RBBP6: variants seen among roughly 807,000 people sequenced by gnomAD.
The protein encoded by RBBP6 is RB binding protein 6, ubiquitin ligase.
Under a neutral mutation model 167.7 loss-of-function variants are expected in RBBP6, and 25 were observed. The ratio of observed to expected loss-of-function variants is 0.15; its 90% CI spans 0.11 to 0.21. The LOEUF is 0.21. RBBP6 is among the 10% of genes least tolerant of loss of function. The pLI is 1.00. For synonymous variants in RBBP6, 789 were observed against 735.8 expected (o/e 1.07, Z -1.17); for missense variants, 1,868 against 2,134.2 (o/e 0.88, Z 2.46).
rs1555473767 is a variant in RBBP6 at position 24,570,865 on chromosome 16, A to T, written c.3810-11A>T. 1.4e-6 allele frequency: 2 copies of T among 1,434,248 alleles called. No homozygotes were observed. The highest frequency in any genetic ancestry group is 1.8e-6 in the Non-Finnish European group (2 of 1,086,124). The allele number at this position is 1,434,248 out of a possible 1,614,324, so 88.8% of individuals were successfully genotyped here. On this transcript the variant is annotated splice_polypyrimidine_tract_variant and intron_variant, in intron 17 of 17. Transcript: ENST00000319715. ...CTTCATTAATTAAAAATATTTTGTT[A>T]TTCTTTTTAGTACGAGCTCAACTGG...
Position 24,562,063 on chromosome 16 carries a change from T to C in RBBP6, c.1191T>C (p.Pro397=), listed in dbSNP as rs1357897121. The C allele has an allele frequency of 6.2e-7, 1 of 1,613,232 alleles. No homozygotes were observed. ...LTSNQSSLAP[P]VSGNPSSAPA... is the part of the protein sequence containing the mutation. ...CTAATCAGTCTTCCTTGGCCCCTCCTGTGTCTGGAAATCCGTCTTCTGCTC... is the reference window on the plus strand; with the variant it reads ...CTAATCAGTCTTCCTTGGCCCCTCCCGTGTCTGGAAATCCGTCTTCTGCTC... Residue 397 remains proline, a synonymous_variant, in exon 10 of 18, where the codon CCT becomes CCC. Transcript: ENST00000319715.
At position 24,571,251 on chromosome 16, in the gene RBBP6, T is replaced by C; in HGVS notation, c.4185T>C (p.Ser1395=). ...ATGAGGTTAAAAGTTCAAAAAACTC[T>C]GCATCTAGTGAAAAAGGGAAAACCA... ...IQHEVKSSKN[S]ASSEKGKTKD... is the part of the protein sequence containing the mutation. Residue 1395 remains serine (S), a synonymous_variant, in exon 18 of 18, where the codon TCT becomes TCC. Transcript: ENST00000319715. The C allele has an allele frequency of 6.2e-7, 1 of 1,612,442 alleles. No homozygotes were observed. The highest frequency in any genetic ancestry group is 1.1e-5 in the South Asian group (1 of 90,668).
Position 24,571,765 on chromosome 16 carries a change from A to G in RBBP6, c.4699A>G (p.Lys1567Glu). The G allele has an allele frequency of 6.2e-7, 1 of 1,614,098 alleles. No homozygotes were observed. Among genetic ancestry groups the G allele is most frequent in the African/African-American group, 1.3e-5 (1 of 75,050 alleles). Residue 1567 changes from lysine (K) to glutamate (E), a missense_variant, in exon 18 of 18, where the codon AAG becomes GAG. Physicochemically the swap from Lys to Glu is moderately conservative, Grantham distance 56. Transcript: ENST00000319715. Reference sequence around the variant, plus strand: ...AAAATCTGTAGATAAAAATCCTTGTAAGGATCGTGAGAAGCATGTATTAGA... The same window carrying G: ...AAAATCTGTAGATAAAAATCCTTGTGAGGATCGTGAGAAGCATGTATTAGA... The part of the protein sequence containing the change: ...ETKSVDKNPC[K>E]DREKHVLEAR...
chr16:24,554,089 TG>T (rs1898861575), intron 4 of RBBP6: 1 of 152,588 alleles, frequency 6.6e-6, no homozygotes, highest in African/African-American at 2.4e-5. Context: ...ACAGACTACA[TG>T]AATTGTGTAA....
chr16:24,564,531 G>T (rs906663098), intron 13 of RBBP6, among the ~76,000 whole-genome samples: 1 of 152,160 alleles, frequency 6.6e-6, no homozygotes. Flanking sequence ...GTAATTTATA[G>T]AGTGCTAATT....
At chr16:24,555,148 A>C (rs1898884114) in intron 4 of RBBP6, 1 of 153,014 alleles carries the variant, frequency 6.5e-6, no homozygotes. Flanking sequence ...CATCTTTTGC[A>C]CTTGAGTTGA....
Position 24,543,029 on chromosome 16 carries a change from G to GA in RBBP6, c.166+2240dup, listed in dbSNP as rs548554878. Among the ~76,000 whole-genome samples the GA allele has an allele frequency of 2.6e-4, 40 of 152,252 alleles. No homozygotes were observed. The East Asian group carries it at 6.7e-3, about 26-fold the overall frequency. ...TTTATGCAGTCCTCAAATTAAGAGA[G>GA]AAAGAGATATTGATGGTAGCTACTT... is the stretch of plus-strand genomic sequence containing the variant. On this transcript the variant is annotated intron_variant, in intron 1 of 17. Coordinates refer to ENST00000319715, the MANE Select transcript of RBBP6 (RefSeq NM_006910.5).
intron 2 of RBBP6, among the ~76,000 whole-genome samples, chr16:24,547,574 G>C (rs1446713970): frequency 6.6e-6 from 1 of 152,090 alleles, no homozygotes; most frequent in Admixed American, 6.6e-5. Flanking sequence ...TCCTGCCTCA[G>C]CCTCCCAAGT....
At chr16:24,540,859 A>T in intron 1 of RBBP6, 67 bp downstream of exon 1, 2 of 1,531,104 alleles carry the variant, frequency 1.3e-6, no homozygotes, top group Non-Finnish European at 1.8e-6. Context: ...GGTGCCTGGC[A>T]GGAAGCTAAC....
At chr16:24,558,994 C>T (rs1898984766) in intron 7 of RBBP6, among the ~76,000 whole-genome samples, 1 of 152,138 alleles carries the variant, frequency 6.6e-6, no homozygotes, top group African/African-American at 2.4e-5. Context: ...AATGTCAGTA[C>T]TAATTTTAAT....
In RBBP6 at chr16:24,556,467, A is replaced by G. The variant is rs747344928; in HGVS notation, c.674+20A>G. The G allele has an allele frequency of 4.4e-6, 7 of 1,608,712 alleles. No individual in the cohort carries two copies. In the South Asian group the frequency reaches 4.4e-5, roughly 10 times the overall value. ...AGATGCGTAAGTATGCAAATTAGGT[A>G]TGACCTGTGGAGACTCCAGTCAGTC... On this transcript the variant is annotated intron_variant, in intron 7 of 17. Coordinates refer to ENST00000319715, the MANE Select transcript of RBBP6 (RefSeq NM_006910.5).
intron 1 of RBBP6, among the ~76,000 whole-genome samples, chr16:24,545,218 C>T (rs1898612275): frequency 6.6e-6 from 1 of 151,818 alleles, no homozygotes; most frequent in Admixed American, 6.6e-5. Flanking sequence ...ACTACAGGCG[C>T]CCACCACCAA....
chr16:24,567,581 GT>G (rs1270760591), intron 15 of RBBP6, 76 bp downstream of exon 15: 5 of 1,453,590 alleles, frequency 3.4e-6, no homozygotes, highest in Non-Finnish European at 4.6e-6. Flanking sequence ...GTCTGGAAAC[GT>G]TTTCCAGTGT....
chr16:24,556,023 C>A, intron 6 of RBBP6, 106 bp downstream of exon 6: 1 of 1,093,346 alleles, frequency 9.1e-7, no homozygotes, highest in Non-Finnish European at 1.3e-6. Context: ...TAGACAATGG[C>A]AAATGAGCAT....
rs1246220498 is a variant in RBBP6 at position 24,570,031 on chromosome 16, A to G, written c.3341A>G (p.Tyr1114Cys). 10 of 1,607,314 alleles carry G rather than the reference A, an allele frequency of 6.2e-6. No individual in the cohort carries two copies. Among genetic ancestry groups the G allele is most frequent in the African/African-American group, 1.3e-5 (1 of 74,228 alleles). ...PVKEEKVKKD[Y>C]SKDVKSEKLT... ...AAAGAGGAAAAAGTGAAGAAGGACTATTCCAAAGATGTCAAATCAGAAAAG... is the reference window on the plus strand; with the variant it reads ...AAAGAGGAAAAAGTGAAGAAGGACTGTTCCAAAGATGTCAAATCAGAAAAG... The change falls in exon 17 of 18, where the codon TAT becomes TGT. Residue 1114 changes from tyrosine to cysteine, a missense_variant. Tyr to Cys is a radical substitution (Grantham distance 194). Around this residue, in one of 7 missense-constraint regions of RBBP6, gnomAD observed 673 missense variants for 691.5 expected, o/e 0.97. Coordinates refer to ENST00000319715, the MANE Select transcript of RBBP6 (RefSeq NM_006910.5).
chr16:24,540,480 G>A lies in RBBP6; in HGVS notation c.-147G>A, dbSNP rs1869436071. On this transcript the variant is annotated 5_prime_UTR_variant, in exon 1 of 18. Coordinates refer to ENST00000319715, the MANE Select transcript of RBBP6 (RefSeq NM_006910.5). ...TTGTTCTGACGAACCCCTGCTTGTGGTTGGGGGGTATTTAATCTGAGGCCT... is the reference window on the plus strand; with the variant it reads ...TTGTTCTGACGAACCCCTGCTTGTGATTGGGGGGTATTTAATCTGAGGCCT... The A allele has an allele frequency of 5.8e-6, 4 of 686,010 alleles. No individual in the cohort carries two copies. The highest frequency in any genetic ancestry group is 3.3e-5 in the Admixed American group (1 of 30,636). 42.5% of individuals were successfully genotyped at this position (686,010 alleles called of 1,614,324 possible).
Position 24,567,912 on chromosome 16 carries a change from T to G in RBBP6, c.2054+19T>G, listed in dbSNP as rs377242427. 172 of 1,571,894 alleles carry G rather than the reference T, an allele frequency of 1.1e-4. 1 individual carries two copies. The highest frequency in any genetic ancestry group is 1.7e-4 in the Admixed American group (10 of 58,206). On this transcript the variant is annotated intron_variant, in intron 16 of 17. Transcript: ENST00000319715. Reference sequence around the variant, plus strand: ...TTTCCAGGTTAGTGTTTTGCAAGCCTTCACAACAGAATTACAAACGGGACT... The same window carrying G: ...TTTCCAGGTTAGTGTTTTGCAAGCCGTCACAACAGAATTACAAACGGGACT...
At chr16:24,570,594 G>T in intron 17 of RBBP6, 95 bp downstream of exon 17, 2 of 1,138,324 alleles carry the variant, frequency 1.8e-6, no homozygotes, top group Non-Finnish European at 2.4e-6. Context: ...AATTATGAAT[G>T]CTGATCTAGG....
Position 24,561,896 on chromosome 16 carries a change from C to A in RBBP6, c.1024C>A (p.Pro342Thr), listed in dbSNP as rs144312614. 3 of 1,614,086 alleles carry A rather than the reference C, an allele frequency of 1.9e-6. No individual in the cohort carries two copies. Among genetic ancestry groups the A allele is most frequent in the Non-Finnish European group, 2.5e-6 (3 of 1,179,988 alleles). ...AAAACAGTTACCTCCTCCACCACCCCCAATACCACCTCCGAGACCACTGAT... is the reference window on the plus strand; with the variant it reads ...AAAACAGTTACCTCCTCCACCACCCACAATACCACCTCCGAGACCACTGAT... ...LRKQLPPPPP[P>T]IPPPRPLIQR... Residue 342 changes from proline (P) to threonine (T), a missense_variant, in exon 10 of 18, where the codon CCA becomes ACA. Pro to Thr is a conservative substitution (Grantham distance 38, BLOSUM62 -1). Transcript: ENST00000319715.
Sources: allele counts gnomAD v4.1 joint callset (sites outside exome capture counted in the v4.1 genomes callset), GRCh38; gene constraint gnomAD v4.1.1; regional missense constraint gnomAD v4.1.1; transcripts MANE v1.5; gene names NCBI Gene and HGNC (gene_info 2026-07-23, HGNC 2026-07-21).